Variants in PDE7B observed in about 807,000 individuals in gnomAD.
The protein encoded by PDE7B is phosphodiesterase 7B.
In PDE7B, 29 loss-of-function variants were observed where a neutral mutation model predicts 56.2. The observed-to-expected ratio is 0.52, with a 90% CI of 0.38 to 0.70. PDE7B has a LOEUF of 0.70. Ranked by LOEUF, PDE7B falls within the 30% of genes least tolerant of loss-of-function variation. The pLI, the probability that PDE7B is intolerant of heterozygous loss-of-function variation, is 0.00. For synonymous variants in PDE7B, 197 were observed against 196.9 expected (o/e 1.00, Z 0.00); for missense variants, 490 against 565.0 (o/e 0.87, Z 1.35).
chr6:135,995,587 G>C (rs2128205587), intron 2 of PDE7B, among the ~76,000 whole-genome samples: 1 of 149,568 alleles, frequency 6.7e-6, no homozygotes, highest in Admixed American at 6.6e-5. Flanking sequence ...ATTAGTGTTA[G>C]AAAAAGACCG....
chr6:135,891,545 G>C (rs998009401), intron 1 of PDE7B, among the ~76,000 whole-genome samples: 2 of 152,140 alleles, frequency 1.3e-5, no homozygotes, highest in African/African-American at 4.8e-5. Flanking sequence ...ACTGAGGTGA[G>C]AAATTCAAAC....
intron 2 of PDE7B, among the ~76,000 whole-genome samples, chr6:135,972,472 A>G (rs1032343380): frequency 2.6e-5 from 4 of 152,158 alleles, no homozygotes; most frequent in African/African-American, 7.2e-5. Flanking sequence ...AGCATAAATC[A>G]TAAGTCATCT....
intron 2 of PDE7B, among the ~76,000 whole-genome samples, chr6:136,039,627 G>T (rs1035142907): frequency 3.9e-5 from 6 of 152,044 alleles, no homozygotes; most frequent in South Asian, 2.1e-4. Flanking sequence ...TCTGGGAAAA[G>T]AAAAGATTTA....
intron 8 of PDE7B, among the ~76,000 whole-genome samples, chr6:136,159,865 C>G (rs1778674283): frequency 6.6e-6 from 1 of 152,122 alleles, no homozygotes; most frequent in Non-Finnish European, 1.5e-5. Flanking sequence ...TTAAATCTGC[C>G]TTGTATGATA....
chr6:136,002,017 T>G (rs2128206181), intron 2 of PDE7B, among the ~76,000 whole-genome samples: 1 of 152,254 alleles, frequency 6.6e-6, no homozygotes. Context: ...AGAAACTCTA[T>G]AAGCCAGAAG....
intron 1 of PDE7B, among the ~76,000 whole-genome samples, chr6:135,867,326 G>C (rs1466850073): frequency 2.0e-5 from 3 of 152,050 alleles, no homozygotes; most frequent in Non-Finnish European, 4.4e-5. Flanking sequence ...TAAAATTTTT[G>C]AGAGAGTCAA....
intron 2 of PDE7B, among the ~76,000 whole-genome samples, chr6:136,036,923 C>T (rs954161526): frequency 3.9e-5 from 6 of 152,208 alleles, no homozygotes; most frequent in Admixed American, 3.3e-4. Flanking sequence ...CAAAACTACC[C>T]TACTTTCGTT....
chr6:136,156,162 A>AGTGTGTGT (rs10625572), intron 8 of PDE7B: 13,215 of 251,624 alleles, frequency 0.053, 604 homozygotes, highest in African/African-American at 0.14. Context: ...GAATGATCCA[A>AGTGTGTGT]GTGTGTGTGT....
At chr6:136,174,515 T>C (rs1311065181) in intron 9 of PDE7B, among the ~76,000 whole-genome samples, 1 of 152,176 alleles carries the variant, frequency 6.6e-6, no homozygotes, top group Non-Finnish European at 1.5e-5. Context: ...TGTTTCATTT[T>C]CCTGGTGGCC....
At chr6:136,006,114 C>A (rs1402018758) in intron 2 of PDE7B, among the ~76,000 whole-genome samples, 1 of 145,884 alleles carries the variant, frequency 6.9e-6, no homozygotes, top group Non-Finnish European at 1.5e-5. Context: ...GACAAAAAAC[C>A]AAACACTGCA....
At chr6:135,894,990 G>A (rs1380859017) in intron 1 of PDE7B, among the ~76,000 whole-genome samples, 1 of 151,940 alleles carries the variant, frequency 6.6e-6, no homozygotes, top group Non-Finnish European at 1.5e-5. Flanking sequence ...TATATTAAAT[G>A]TGCTAAAAAG....
At chr6:135,855,143 G>A (rs1775002141) in intron 1 of PDE7B, among the ~76,000 whole-genome samples, 1 of 152,148 alleles carries the variant, frequency 6.6e-6, no homozygotes, top group Non-Finnish European at 1.5e-5. Flanking sequence ...GCAACTGGTT[G>A]CGCTGGGTTA....
intron 2 of PDE7B, among the ~76,000 whole-genome samples, chr6:136,099,936 G>T (rs1016768232): frequency 1.3e-5 from 2 of 152,152 alleles, no homozygotes; most frequent in Non-Finnish European, 2.9e-5. Context: ...AATCCATTTT[G>T]AGTTAATTTT....
At chr6:136,129,403 G>T (rs1372907885) in intron 3 of PDE7B, among the ~76,000 whole-genome samples, 1 of 152,128 alleles carries the variant, frequency 6.6e-6, no homozygotes, top group Non-Finnish European at 1.5e-5. Context: ...CCCCATGAGG[G>T]CACTGCTTAG....
At chr6:135,872,888 A>G (rs569599722) in intron 1 of PDE7B, among the ~76,000 whole-genome samples, 1 of 152,262 alleles carries the variant, frequency 6.6e-6, no homozygotes, top group East Asian at 1.9e-4. Context: ...GTGTGTGTGA[A>G]TGAGTGAATG....
intron 2 of PDE7B, among the ~76,000 whole-genome samples, chr6:135,948,716 C>T (rs1047308157): frequency 1.3e-5 from 2 of 151,602 alleles, no homozygotes; most frequent in Non-Finnish European, 2.9e-5. Context: ...GAAAAATGAA[C>T]GTTTTACTAG....
At chr6:136,149,036 T>G in intron 4 of PDE7B, 51 bp from the exon 5 acceptor site, 3 of 1,261,814 alleles carry the variant, frequency 2.4e-6, no homozygotes, top group Non-Finnish European at 3.5e-6. Flanking sequence ...AGTAAATGTT[T>G]GAGTCTCCAG....
At chr6:135,965,243 C>G (rs1001273639) in intron 2 of PDE7B, among the ~76,000 whole-genome samples, 9 of 152,088 alleles carry the variant, frequency 5.9e-5, no homozygotes, top group African/African-American at 2.2e-4. Context: ...AATGGAGTAA[C>G]AGTGGTAGAG....
chr6:136,108,872 A>T, intron 3 of PDE7B, 58 bp downstream of exon 3: 1 of 1,103,466 alleles, frequency 9.1e-7, no homozygotes, highest in Non-Finnish European at 1.4e-6. Flanking sequence ...AGAAAAAAAA[A>T]AATCCTCATT....
Sources: gnomAD v4.1 joint callset for allele counts (sites outside exome capture counted in the v4.1 genomes callset) on GRCh38, gnomAD v4.1.1 for gene constraint, MANE v1.5 for transcripts, NCBI Gene and HGNC (gene_info 2026-07-23, HGNC 2026-07-21) for gene names.